Variants in PTPRD observed in about 807,000 individuals in gnomAD.
PTPRD encodes receptor-type tyrosine-protein phosphatase delta.
In PTPRD, 34 loss-of-function variants were observed where a neutral mutation model predicts 214.5. The observed-to-expected ratio is 0.16, with a 90% CI of 0.12 to 0.21. The LOEUF (loss-of-function observed/expected upper bound fraction) is 0.21, where lower values mean the gene tolerates loss of function less well. Among genes scored for constraint, PTPRD ranks in the 10% least tolerant of loss-of-function variants. The probability of loss-of-function intolerance (pLI) is 1.00; values close to 1 mark genes in which losing one functional copy is unlikely to be tolerated. For synonymous variants in PTPRD, 1,128 were observed against 845.7 expected (o/e 1.33, Z -5.79); for missense variants, 2,545 against 2,398.7 (o/e 1.06, Z -1.27).
At chr9:10,553,346 AT>A (rs35758149) in intron 2 of PTPRD, among the ~76,000 whole-genome samples, 20,242 of 146,226 alleles carry the variant, frequency 0.14, 1,962 homozygotes, top group East Asian at 0.51. Flanking sequence ...AACAATCTTT[AT>A]TTTTTTTTTT....
intron 5 of PTPRD, among the ~76,000 whole-genome samples, chr9:9,929,475 C>A (rs544649618): frequency 1.3e-5 from 2 of 152,260 alleles, no homozygotes; most frequent in Non-Finnish European, 2.9e-5. Context: ...CTCACTGCAA[C>A]CTCTGCCTCC....
intron 14 of PTPRD, among the ~76,000 whole-genome samples, chr9:8,535,144 C>T (rs908761601): frequency 6.6e-6 from 1 of 151,766 alleles, no homozygotes; most frequent in Non-Finnish European, 1.5e-5. Flanking sequence ...CCTAGTGCTG[C>T]CTGGCACTAG....
intron 11 of PTPRD, among the ~76,000 whole-genome samples, chr9:8,967,294 T>C (rs2099202863): frequency 6.6e-6 from 1 of 152,086 alleles, no homozygotes. Flanking sequence ...ATCCCATTAT[T>C]TGATTGGATA....
chr9:10,582,785 T>A (rs922017114), intron 2 of PTPRD, among the ~76,000 whole-genome samples: 4 of 152,194 alleles, frequency 2.6e-5, no homozygotes, highest in African/African-American at 4.8e-5. Flanking sequence ...ACCATTGAGA[T>A]AAATACTGTG....
At chr9:10,040,038 A>C (rs560339388) in intron 3 of PTPRD, among the ~76,000 whole-genome samples, 1 of 152,206 alleles carries the variant, frequency 6.6e-6, no homozygotes, top group South Asian at 2.1e-4. Flanking sequence ...GTTTTCAGCA[A>C]TGCATGGCTT....
chr9:9,886,815 T>C (rs2071110270), intron 5 of PTPRD, among the ~76,000 whole-genome samples: 1 of 152,226 alleles, frequency 6.6e-6, no homozygotes, highest in Non-Finnish European at 1.5e-5. Context: ...ACTGCTGCCA[T>C]GCTTTGATGA....
chr9:9,708,508 T>C (rs949010832), intron 7 of PTPRD, among the ~76,000 whole-genome samples: 23 of 152,076 alleles, frequency 1.5e-4, no homozygotes, highest in African/African-American at 5.6e-4. Context: ...TGTTTTTGAA[T>C]TGTCATTATT....
chr9:8,956,960 C>T (rs1457208010), intron 11 of PTPRD, among the ~76,000 whole-genome samples: 1 of 151,844 alleles, frequency 6.6e-6, no homozygotes, highest in Admixed American at 6.6e-5. Context: ...CTTGGGAACT[C>T]TTTTGACACC....
At chr9:9,981,013 T>C (rs1443864203) in intron 4 of PTPRD, among the ~76,000 whole-genome samples, 2 of 152,176 alleles carry the variant, frequency 1.3e-5, no homozygotes, top group Non-Finnish European at 2.9e-5. Context: ...TGAATATGTT[T>C]AGGTCCAGGA....
chr9:8,818,929 T>C lies in PTPRD; in HGVS notation c.-103-84983A>G, dbSNP rs774850997. Among the ~76,000 whole-genome samples, 7 of 152,290 alleles carry C rather than the reference T, an allele frequency of 4.6e-5. No homozygotes were observed. The South Asian group carries it at 6.2e-4, about 14-fold the overall frequency. Reference sequence around the variant, plus strand: ...AGTTCCCCGGTAACATTTGGAAGAATAGAGAATCTGGTAACTAACCAGGAA... The same window carrying C: ...AGTTCCCCGGTAACATTTGGAAGAACAGAGAATCTGGTAACTAACCAGGAA... On this transcript the variant is annotated intron_variant, in intron 11 of 45. Transcript: ENST00000381196.
At chr9:8,418,566 A>G (rs955965885) in intron 35 of PTPRD, among the ~76,000 whole-genome samples, 13 of 147,948 alleles carry the variant, frequency 8.8e-5, no homozygotes, top group East Asian at 2.0e-4. Context: ...TATGTAAAAT[A>G]CATTTTTTTT....
At chr9:10,404,009 G>A (rs1044967862) in intron 2 of PTPRD, among the ~76,000 whole-genome samples, 1 of 151,680 alleles carries the variant, frequency 6.6e-6, no homozygotes, top group Non-Finnish European at 1.5e-5. Context: ...TTGGGTGATA[G>A]TGATGTATCA....
intron 9 of PTPRD, among the ~76,000 whole-genome samples, chr9:9,229,039 G>T (rs1038975413): frequency 6.6e-6 from 1 of 151,954 alleles, no homozygotes; most frequent in African/African-American, 2.4e-5. Flanking sequence ...TTTAATGTGG[G>T]TCATTAAGGC....
At chr9:9,343,893 T>C (rs555687173) in intron 9 of PTPRD, among the ~76,000 whole-genome samples, 6 of 152,278 alleles carry the variant, frequency 3.9e-5, no homozygotes, top group South Asian at 2.1e-4. Flanking sequence ...CCAATACCAA[T>C]GAGAAGAAAC....
intron 31 of PTPRD, among the ~76,000 whole-genome samples, chr9:8,469,068 C>A (rs2096602461): frequency 1.3e-5 from 2 of 151,838 alleles, no homozygotes; most frequent in South Asian, 4.1e-4. Flanking sequence ...CCATCCCGAC[C>A]CAAAAATTTT....
At chr9:10,051,897 T>C (rs2097541627) in intron 3 of PTPRD, among the ~76,000 whole-genome samples, 1 of 152,192 alleles carries the variant, frequency 6.6e-6, no homozygotes. Context: ...GTTAAAAATA[T>C]ACCACAGCAA....
chr9:8,500,851 C>T lies in PTPRD; in HGVS notation c.2031G>A (p.Leu677=), dbSNP rs1592134240. 3 of 1,614,094 alleles carry T rather than the reference C, an allele frequency of 1.9e-6. No homozygotes were observed. Among genetic ancestry groups the T allele is most frequent in the Non-Finnish European group, 2.5e-6 (3 of 1,179,996 alleles). ...TGATCCGGTATTCAGTCCATTTTTC[C>T]AGCTGTTCCAAAAGGTATTTGGTAG... The part of the protein sequence containing the change: ...SDTTKYLLEQ[L]EKWTEYRITV... Residue 677 remains leucine, a synonymous_variant, in exon 24 of 46, where the codon CTG becomes CTA. Coordinates refer to ENST00000381196, the MANE Select transcript of PTPRD (RefSeq NM_002839.4).
chr9:9,839,038 G>A (rs1050629267), intron 5 of PTPRD, among the ~76,000 whole-genome samples: 3 of 152,086 alleles, frequency 2.0e-5, no homozygotes, highest in East Asian at 1.9e-4. Flanking sequence ...TTTCCCCATT[G>A]CTTGTTTTTG....
Position 8,781,720 on chromosome 9 carries a change from T to C in PTPRD, c.-103-47774A>G, listed in dbSNP as rs117307770. Reference sequence around the variant, plus strand: ...AATCTTAATCAGACTGTGCAGGGGATGCAGGAAGGTCAGGCTGACAAGCAA... The same window carrying C: ...AATCTTAATCAGACTGTGCAGGGGACGCAGGAAGGTCAGGCTGACAAGCAA... On this transcript the variant is annotated intron_variant, in intron 11 of 45. Coordinates refer to ENST00000381196, the MANE Select transcript of PTPRD (RefSeq NM_002839.4). Among the ~76,000 whole-genome samples the C allele has an allele frequency of 7.5e-3, 1,147 of 152,280 alleles. 12 individuals are homozygous for C. Among genetic ancestry groups the C allele is most frequent in the Non-Finnish European group, 0.012 (807 of 68,018 alleles).
Sources: gnomAD v4.1 joint callset for allele counts (sites outside exome capture counted in the v4.1 genomes callset) on GRCh38, gnomAD v4.1.1 for gene constraint, MANE v1.5 for transcripts, NCBI Gene and HGNC (gene_info 2026-07-23, HGNC 2026-07-21) for gene names.